Variants in PDZRN3 observed in about 807,000 individuals in gnomAD.
The protein encoded by PDZRN3 is E3 ubiquitin-protein ligase PDZRN3.
In PDZRN3, 38 loss-of-function variants were observed where a neutral mutation model predicts 85.7. The observed-to-expected ratio is 0.44, with a 90% CI of 0.34 to 0.58. The LOEUF is 0.58. Among genes scored for constraint, PDZRN3 ranks in the 20% least tolerant of loss-of-function variants. The pLI is 0.01. For synonymous variants in PDZRN3, 759 were observed against 638.0 expected (o/e 1.19, Z -2.86); for missense variants, 1,629 against 1,506.4 (o/e 1.08, Z -1.35).
intron 3 of PDZRN3, among the ~76,000 whole-genome samples, chr3:73,415,358 A>T (rs1702055228): frequency 6.6e-6 from 1 of 152,216 alleles, no homozygotes; most frequent in African/African-American, 2.4e-5. Context: ...TGGGGTGCAG[A>T]CTATCATGCG....
chr3:73,586,832 C>T (rs1469323597), intron 3 of PDZRN3, among the ~76,000 whole-genome samples: 2 of 152,230 alleles, frequency 1.3e-5, no homozygotes, highest in Non-Finnish European at 2.9e-5. Flanking sequence ...AAGGCTGGAG[C>T]TATGTCCCTT....
intron 3 of PDZRN3, among the ~76,000 whole-genome samples, chr3:73,602,091 T>C (rs1702523690): frequency 6.6e-6 from 1 of 152,154 alleles, no homozygotes; most frequent in African/African-American, 2.4e-5. Flanking sequence ...CTGTAACTGA[T>C]GCATACGAAA....
intron 3 of PDZRN3, among the ~76,000 whole-genome samples, chr3:73,494,837 T>C (rs1258924072): frequency 6.6e-6 from 1 of 152,236 alleles, no homozygotes; most frequent in African/African-American, 2.4e-5. Flanking sequence ...GTTCCTTAAC[T>C]TTCCACAGTA....
chr3:73,434,472 T>C (rs1037058895), intron 3 of PDZRN3, among the ~76,000 whole-genome samples: 2 of 152,324 alleles, frequency 1.3e-5, no homozygotes, highest in Middle Eastern at 3.4e-3. Flanking sequence ...GATATATCCA[T>C]GAGTATGCAA....
Position 73,383,917 on chromosome 3 carries a change from G to T in PDZRN3, c.2649C>A (p.Tyr883Ter), listed in dbSNP as rs1703327367. 6.2e-7 allele frequency: 1 copy of T among 1,610,810 alleles called. No individual in the cohort carries two copies. The highest frequency in any genetic ancestry group is 8.5e-7 in the Non-Finnish European group (1 of 1,178,736). The change falls in exon 10 of 10, where the codon TAC becomes TAA. Residue 883 changes from tyrosine (Y) to a stop codon, truncating the protein, a stop_gained. Transcript: ENST00000263666. LOFTEE classifies it high-confidence loss of function. ...IPAHAQHYQSYMQLIQQKSAV... is the reference protein window; with the variant it reads ...IPAHAQHYQS ...CCGACTTCTGCTGGATCAGCTGCATGTAGCTCTGGTAGTGCTGGGCGTGCG... is the reference window on the plus strand; with the variant it reads ...CCGACTTCTGCTGGATCAGCTGCATTTAGCTCTGGTAGTGCTGGGCGTGCG...
intron 5 of PDZRN3, among the ~76,000 whole-genome samples, chr3:73,393,853 C>T (rs942937081): frequency 3.3e-5 from 5 of 152,134 alleles, no homozygotes; most frequent in Admixed American, 6.5e-5. Flanking sequence ...CCTGATATCA[C>T]GAGATTTTAG....
At chr3:73,404,508 G>T in intron 3 of PDZRN3, 113 bp from the exon 4 acceptor site, 1 of 1,176,064 alleles carries the variant, frequency 8.5e-7, no homozygotes, top group Non-Finnish European at 1.2e-6. Flanking sequence ...GAAGCAGGTG[G>T]TGGTGTCAGA....
Position 73,608,768 on chromosome 3 carries a change from A to C in PDZRN3, c.724-84T>G, listed in dbSNP as rs566838426. Reference sequence around the variant, plus strand: ...TTTTCCTTCTATCTAAGTGTACTCAAGGACTACTCAGCTAATCATTACAAA... The same window carrying C: ...TTTTCCTTCTATCTAAGTGTACTCACGGACTACTCAGCTAATCATTACAAA... On this transcript the variant is annotated intron_variant, in intron 1 of 9. Transcript: ENST00000263666. 105 of 788,912 alleles carry C rather than the reference A, an allele frequency of 1.3e-4. No individual in the cohort carries two copies. In the South Asian group the frequency reaches 1.6e-3, roughly 12 times the overall value. 48.9% of individuals were successfully genotyped at this position (788,912 alleles called of 1,614,324 possible).
intron 3 of PDZRN3, among the ~76,000 whole-genome samples, chr3:73,513,828 C>T (rs1054702148): frequency 1.3e-5 from 2 of 151,950 alleles, no homozygotes; most frequent in African/African-American, 2.4e-5. Context: ...TTATTGCACC[C>T]GAAAAGAGAC....
In PDZRN3 at chr3:73,466,534, T is replaced by C. The variant is rs553583846; in HGVS notation, c.919-62139A>G. Among the ~76,000 whole-genome samples the C allele has an allele frequency of 5.3e-5, 8 of 152,314 alleles. No individual in the cohort carries two copies. In the East Asian group the frequency reaches 1.5e-3, roughly 29 times the overall value. On this transcript the variant is annotated intron_variant, in intron 3 of 9. Transcript: ENST00000263666. ...GCTAGCTCATTTGGAGTGAGGATTC[T>C]GGCCCAGGAGAGAATCCTTAGTGAG... is the stretch of plus-strand genomic sequence containing the variant.
chr3:73,510,847 T>C (rs1474646814), intron 3 of PDZRN3, among the ~76,000 whole-genome samples: 2 of 152,158 alleles, frequency 1.3e-5, no homozygotes, highest in Admixed American at 6.5e-5. Context: ...ATTAAAACAA[T>C]ATACTGTAAT....
intron 3 of PDZRN3, among the ~76,000 whole-genome samples, chr3:73,563,945 T>C (rs954995134): frequency 2.0e-5 from 3 of 152,170 alleles, no homozygotes; most frequent in Admixed American, 6.5e-5. Context: ...CTCTCTGTTA[T>C]TGGGTATTAG....
At chr3:73,397,882 G>T (rs1701672202) in intron 5 of PDZRN3, among the ~76,000 whole-genome samples, 1 of 152,158 alleles carries the variant, frequency 6.6e-6, no homozygotes, top group Non-Finnish European at 1.5e-5. Flanking sequence ...CATTCAAAGG[G>T]GCTAGAGATG....
At chr3:73,411,478 AAGTAGGGCAGTGGGCT>A (rs1443753634) in intron 3 of PDZRN3, among the ~76,000 whole-genome samples, 2 of 152,164 alleles carry the variant, frequency 1.3e-5, no homozygotes, top group Non-Finnish European at 2.9e-5. Flanking sequence ...GCAAGGTGGC[AAGTAGGGCAGTGGGCT>A]AGAGGCCGTG....
chr3:73,441,482 G>A (rs1702635105), intron 3 of PDZRN3, among the ~76,000 whole-genome samples: 1 of 151,438 alleles, frequency 6.6e-6, no homozygotes, highest in South Asian at 2.1e-4. Flanking sequence ...GCTGTGTGCT[G>A]GATTTGGCAT....
rs138457889 is a variant in PDZRN3 at position 73,427,436 on chromosome 3, C to A, written c.919-23041G>T. Among the ~76,000 whole-genome samples the A allele has an allele frequency of 1.4e-3, 217 of 152,070 alleles. 4 individuals carry two copies. The East Asian group carries it at 0.025, about 17-fold the overall frequency. On this transcript the variant is annotated intron_variant, in intron 3 of 9. Coordinates refer to ENST00000263666, the MANE Select transcript of PDZRN3 (RefSeq NM_015009.3). The stretch of plus-strand genomic sequence containing the variant: ...CGGTATTCTTTTGTGCATTACCCAC[C>A]CCCCCACCACCGCCCACATTTAACC...
At chr3:73,509,944 T>C (rs1293468690) in intron 3 of PDZRN3, among the ~76,000 whole-genome samples, 1 of 152,208 alleles carries the variant, frequency 6.6e-6, no homozygotes, top group Non-Finnish European at 1.5e-5. Context: ...TGCAAATGTT[T>C]TGAAAACAAC....
At chr3:73,550,102 CCTGT>C (rs930423913) in intron 3 of PDZRN3, among the ~76,000 whole-genome samples, 3 of 152,078 alleles carry the variant, frequency 2.0e-5, no homozygotes, top group African/African-American at 7.3e-5. Context: ...CACAGGAAAT[CCTGT>C]CTTTTTTCTT....
At chr3:73,604,418 A>G (rs1702563695) in intron 2 of PDZRN3, among the ~76,000 whole-genome samples, 1 of 152,220 alleles carries the variant, frequency 6.6e-6, no homozygotes, top group Admixed American at 6.5e-5. Flanking sequence ...AGACTGAGAG[A>G]GGTTCGGAAA....
Sources: allele counts gnomAD v4.1 joint callset (sites outside exome capture counted in the v4.1 genomes callset), GRCh38; gene constraint gnomAD v4.1.1; transcripts MANE v1.5; gene names NCBI Gene and HGNC (gene_info 2026-07-23, HGNC 2026-07-21).